Variants in GTF2I observed in about 807,000 individuals in gnomAD.
GTF2I encodes the protein general transcription factor IIi, also known as general transcription factor II-I.
A neutral mutation model predicts 67.6 loss-of-function variants in GTF2I; 12 were observed. The ratio of observed to expected loss-of-function variants is 0.18; its 90% CI spans 0.11 to 0.29. The LOEUF (loss-of-function observed/expected upper bound fraction) is 0.29. Among genes scored for constraint, GTF2I ranks in the 10% least tolerant of loss-of-function variants. The pLI is 1.00. For synonymous variants in GTF2I, 149 were observed against 197.0 expected, an observed-to-expected ratio of 0.76 and a Z score of 2.04; for missense variants, 271 against 580.1, an observed-to-expected ratio of 0.47 and a Z score of 5.47.
chr7:74,672,335 G>A (rs999421316), intron 1 of GTF2I, among the ~76,000 whole-genome samples: 4 of 152,106 alleles, frequency 2.6e-5, no homozygotes, highest in Admixed American at 2.0e-4. Flanking sequence ...GGGCTCAGGA[G>A]TTTGAGACCA....
chr7:74,671,546 C>T (rs1465959081), intron 1 of GTF2I, among the ~76,000 whole-genome samples: 8 of 151,406 alleles, frequency 5.3e-5, no homozygotes, highest in Middle Eastern at 3.4e-3. Context: ...AGTTGTAAAT[C>T]GTTTCAAATC....
intron 1 of GTF2I, among the ~76,000 whole-genome samples, chr7:74,688,046 G>A (rs1554395936): frequency 6.6e-6 from 1 of 151,986 alleles, no homozygotes; most frequent in Non-Finnish European, 1.5e-5. Flanking sequence ...GTCTTTATAT[G>A]GTGTATTGTT....
At chr7:74,676,046 CAG>C (rs1805877483) in intron 1 of GTF2I, among the ~76,000 whole-genome samples, 1 of 151,878 alleles carries the variant, frequency 6.6e-6, no homozygotes, top group African/African-American at 2.4e-5. Context: ...AATAAAAAGA[CAG>C]AGAATGGGGA....
intron 1 of GTF2I, among the ~76,000 whole-genome samples, chr7:74,676,257 C>G (rs1562941433): frequency 1.3e-5 from 2 of 152,002 alleles, no homozygotes; most frequent in South Asian, 2.1e-4. Flanking sequence ...TGCTGTCATT[C>G]GAAAGACAAA....
intron 1 of GTF2I, among the ~76,000 whole-genome samples, chr7:74,685,187 G>A (rs1787599699): frequency 6.6e-6 from 1 of 152,188 alleles, no homozygotes; most frequent in Non-Finnish European, 1.5e-5. Context: ...CTAAAGTGAA[G>A]TTACAAAGTT....
At chr7:74,677,472 A>T (rs1554392727) in intron 1 of GTF2I, among the ~76,000 whole-genome samples, 1 of 152,056 alleles carries the variant, frequency 6.6e-6, no homozygotes, top group Non-Finnish European at 1.5e-5. Context: ...TTAGTCATTT[A>T]ATTTTGTTGA....
intron 1 of GTF2I, among the ~76,000 whole-genome samples, chr7:74,680,848 T>G (rs1279006502): frequency 6.6e-6 from 1 of 152,188 alleles, no homozygotes; most frequent in Non-Finnish European, 1.5e-5. Flanking sequence ...GAATTAGTTA[T>G]TGGCTTATTT....
intron 9 of GTF2I, among the ~76,000 whole-genome samples, chr7:74,713,817 A>C (rs782215035): frequency 4.6e-5 from 7 of 152,150 alleles, no homozygotes; most frequent in Admixed American, 6.5e-5. Flanking sequence ...AGCTCTGTAT[A>C]TTTTACTCAG....
intron 1 of GTF2I, among the ~76,000 whole-genome samples, chr7:74,659,229 T>C (rs957642355): frequency 3.3e-5 from 5 of 151,530 alleles, no homozygotes; most frequent in Admixed American, 6.6e-5. Context: ...GGCTTAATTT[T>C]CTTTTTTTTT....
intron 12 of GTF2I, among the ~76,000 whole-genome samples, chr7:74,724,297 TG>T (rs1201952093): frequency 1.3e-5 from 2 of 152,114 alleles, no homozygotes; most frequent in Non-Finnish European, 2.9e-5. Flanking sequence ...TATTACCTGG[TG>T]TTGATTGTTT....
chr7:74,680,095 A>T lies in GTF2I; in HGVS notation c.-5-9029A>T, dbSNP rs1554393635. ...AGTCCATCTCAAAAAAAAAAAAAAA[A>T]AAAAATATATATATATATATATGTA... On this transcript the variant is annotated intron_variant, in intron 1 of 34. Transcript: ENST00000573035. Among the ~76,000 whole-genome samples, 717 of 98,076 alleles carry T rather than the reference A, an allele frequency of 7.3e-3. 6 individuals carry two copies. Among genetic ancestry groups the T allele is most frequent in the Middle Eastern group, 0.023 (5 of 214 alleles). The allele number at this position is 98,076 out of a possible 152,430, so 64.3% of individuals were successfully genotyped here.
intron 8 of GTF2I, among the ~76,000 whole-genome samples, chr7:74,709,107 A>G (rs1791172089): frequency 6.6e-6 from 1 of 152,274 alleles, no homozygotes; most frequent in African/African-American, 2.4e-5. Context: ...ACTACCACAC[A>G]GAAGAGAATA....
chr7:74,747,888 C>G, intron 23 of GTF2I, 127 bp from the exon 24 acceptor site: 1 of 115,406 alleles, frequency 8.7e-6, no homozygotes, highest in Non-Finnish European at 1.7e-5. Context: ...GCCGGAATGA[C>G]AAGAATACCC....
chr7:74,666,419 G>A (rs1804974170), intron 1 of GTF2I, among the ~76,000 whole-genome samples: 1 of 152,158 alleles, frequency 6.6e-6, no homozygotes, highest in African/African-American at 2.4e-5. Flanking sequence ...GACAGAGGAG[G>A]ACGATGGCAT....
intron 1 of GTF2I, among the ~76,000 whole-genome samples, chr7:74,679,638 T>G (rs1186448407): frequency 6.6e-6 from 1 of 152,014 alleles, no homozygotes; most frequent in Non-Finnish European, 1.5e-5. Context: ...TATTATGCAT[T>G]AAAAAGGCAG....
At chr7:74,693,113 A>G (rs1270818720) in intron 3 of GTF2I, among the ~76,000 whole-genome samples, 1 of 151,454 alleles carries the variant, frequency 6.6e-6, no homozygotes, top group Non-Finnish European at 1.5e-5. Flanking sequence ...CAGTTTTCAC[A>G]CATTGAAGAT....
intron 6 of GTF2I, among the ~76,000 whole-genome samples, chr7:74,702,749 T>C (rs1267121763): frequency 6.6e-6 from 1 of 151,584 alleles, no homozygotes; most frequent in African/African-American, 2.4e-5. Flanking sequence ...TTTTTTTTTT[T>C]TTGAGACAGG....
intron 33 of GTF2I, among the ~76,000 whole-genome samples, chr7:74,758,500 CTT>C (rs1436095918): frequency 2.5e-5 from 1 of 39,936 alleles, no homozygotes; most frequent in Non-Finnish European, 5.3e-5. Flanking sequence ...CCCCAGATGA[CTT>C]GGTAAATTCT....
intron 1 of GTF2I, among the ~76,000 whole-genome samples, chr7:74,659,485 G>T (rs1250719571): frequency 6.6e-6 from 1 of 151,950 alleles, no homozygotes; most frequent in Non-Finnish European, 1.5e-5. Flanking sequence ...TGCCTCCCGG[G>T]TTCAAGCCGT....
Sources: gnomAD v4.1 joint callset for allele counts (sites outside exome capture counted in the v4.1 genomes callset) on GRCh38, gnomAD v4.1.1 for gene constraint, MANE v1.5 for transcripts, NCBI Gene and HGNC (gene_info 2026-07-23, HGNC 2026-07-21) for gene names.